The following ARSG variants were observed in gnomAD, a reference collection of about 807,000 sequenced individuals.
ARSG encodes the protein arylsulfatase G.
A neutral mutation model predicts 50.5 loss-of-function variants in ARSG; 37 were observed. The ratio of observed to expected loss-of-function variants is 0.73; its 90% CI spans 0.56 to 0.96. The LOEUF (loss-of-function observed/expected upper bound fraction) is 0.96, where lower values mean the gene tolerates loss of function less well. Among genes scored for constraint, ARSG ranks in the 50% least tolerant of loss-of-function variants. The pLI is 0.00. For missense variants in ARSG, 629 were observed against 675.3 expected (o/e 0.93, Z 0.76); for synonymous variants, 225 against 254.6 (o/e 0.88, Z 1.11).
chr17:68,446,900 G>A, the ARSG span, among the ~76,000 whole-genome samples: 1 of 152,186 alleles, frequency 6.6e-6, no homozygotes, highest in African/African-American at 2.4e-5. Flanking sequence ...AAGACTAAAC[G>A]CAGAGGGAAA....
chr17:68,416,075 C>T (rs2082349028), intron 11 of ARSG, among the ~76,000 whole-genome samples: 2 of 151,904 alleles, frequency 1.3e-5, no homozygotes, highest in South Asian at 4.2e-4. Context: ...TGCCCATGTG[C>T]CTTGGTTTTT....
chr17:68,349,887 G>T (rs959422238), intron 4 of ARSG, among the ~76,000 whole-genome samples: 3 of 150,560 alleles, frequency 2.0e-5, no homozygotes, highest in Middle Eastern at 6.8e-3. Context: ...GTCTCAAAAA[G>T]AAAAAAAAAT....
chr17:68,356,097 G>T (rs2079020958), intron 5 of ARSG, among the ~76,000 whole-genome samples: 1 of 152,152 alleles, frequency 6.6e-6, no homozygotes, highest in Non-Finnish European at 1.5e-5. Flanking sequence ...GGCCAGGCTG[G>T]TCTCGAACTC....
At chr17:68,437,948 TAAAAAAAAA>T in the ARSG span, among the ~76,000 whole-genome samples, 8 of 78,804 alleles carry the variant, frequency 1.0e-4, no homozygotes, top group Admixed American at 2.5e-4. Context: ...ACATCTCTCT[TAAAAAAAAA>T]AAAAAAAAAA....
intron 5 of ARSG, among the ~76,000 whole-genome samples, chr17:68,355,193 C>A (rs1406723653): frequency 6.6e-6 from 1 of 152,178 alleles, no homozygotes; most frequent in African/African-American, 2.4e-5. Flanking sequence ...ACCACCAGCA[C>A]CCCTGTAAGG....
chr17:68,365,827 A>G (rs1034279869), intron 6 of ARSG, among the ~76,000 whole-genome samples: 1 of 152,252 alleles, frequency 6.6e-6, no homozygotes, highest in African/African-American at 2.4e-5. Flanking sequence ...TCCACCACAC[A>G]GATACAATAG....
chr17:68,373,032 C>T (rs529538987), intron 8 of ARSG, among the ~76,000 whole-genome samples: 2 of 151,512 alleles, frequency 1.3e-5, no homozygotes, highest in South Asian at 4.2e-4. Context: ...GCTGGGATTA[C>T]AGGTGTGTGC....
At chr17:68,288,762 C>G (rs1318632528), upstream of ARSG, among the ~76,000 whole-genome samples, 1 of 152,204 alleles carries the variant, frequency 6.6e-6, no homozygotes, top group Non-Finnish European at 1.5e-5. Context: ...AGTTGGTCTT[C>G]TTAAAGCTCT....
intron 2 of ARSG, among the ~76,000 whole-genome samples, chr17:68,308,874 G>T (rs1194795377): frequency 1.3e-5 from 2 of 152,270 alleles, no homozygotes; most frequent in African/African-American, 4.8e-5. Flanking sequence ...CACCGGCGCT[G>T]CAGGTGGAGC....
chr17:68,283,302 C>T (rs1403568865), intron 1 of ARSG, among the ~76,000 whole-genome samples: 14 of 151,740 alleles, frequency 9.2e-5, no homozygotes, highest in African/African-American at 2.7e-4. Context: ...AGGCGAATCA[C>T]GAGGTCAGGA....
At position 68,368,536 on chromosome 17, in the gene ARSG, C is replaced by G. The variant is rs1227722271; in HGVS notation, c.705-12C>G. ...CCTTCTGCAGAGTCACCTCTTGGTT[C>G]TCCTGTTTCAGCACCAGCGGGAGGC... On this transcript the variant is annotated splice_polypyrimidine_tract_variant and intron_variant, in intron 6 of 11. Transcript: ENST00000621439. 11 of 1,612,338 alleles carry G rather than the reference C, an allele frequency of 6.8e-6. No homozygotes were observed. Among genetic ancestry groups the G allele is most frequent in the Non-Finnish European group, 9.3e-6 (11 of 1,179,598 alleles).
chr17:68,375,936 G>C (rs1322898364), intron 8 of ARSG, among the ~76,000 whole-genome samples: 1 of 152,074 alleles, frequency 6.6e-6, no homozygotes, highest in Admixed American at 6.6e-5. Context: ...GAGTGGGAGG[G>C]ACATTATTTA....
intron 9 of ARSG, 51 bp downstream of exon 9, chr17:68,385,223 C>CATGGAGGCATGGGTGGCTAG (rs530735736): frequency 1.1e-4 from 162 of 1,529,744 alleles, no homozygotes; most frequent in South Asian, 5.6e-4. Context: ...CAAGAAAAGT[C>CATGGAGGCATGGGTGGCTAG]ATGGAGGCAT....
intron 8 of ARSG, among the ~76,000 whole-genome samples, chr17:68,382,199 C>G (rs913570983): frequency 6.6e-6 from 1 of 152,172 alleles, no homozygotes; most frequent in Non-Finnish European, 1.5e-5. Context: ...CCCACCTCAG[C>G]CTCCCAAAGT....
the ARSG span, chr17:68,433,328 A>T: frequency 1.3e-6 from 1 of 798,128 alleles, no homozygotes; most frequent in Non-Finnish European, 2.0e-6. Flanking sequence ...TTGCTAACAC[A>T]CACTCCATCA....
intron 1 of ARSG, among the ~76,000 whole-genome samples, chr17:68,262,988 T>C (rs1555745552): frequency 6.6e-6 from 1 of 152,126 alleles, no homozygotes; most frequent in Non-Finnish European, 1.5e-5. Context: ...GGTGTATAAG[T>C]TGTTAGGGAA....
intron 9 of ARSG, among the ~76,000 whole-genome samples, chr17:68,388,874 G>A (rs138034655): frequency 0.064 from 9,380 of 147,386 alleles, 635 homozygotes; most frequent in African/African-American, 0.17. Flanking sequence ...GCTGTGAGCC[G>A]AGATCGCACC....
intron 9 of ARSG, among the ~76,000 whole-genome samples, chr17:68,386,220 T>C (rs1177717410): frequency 6.6e-6 from 1 of 152,220 alleles, no homozygotes; most frequent in African/African-American, 2.4e-5. Context: ...CCTTCCTCTC[T>C]GTGTTCTGCC....
chr17:68,301,050 G>A (rs1287503841), intron 1 of ARSG, among the ~76,000 whole-genome samples: 7 of 151,762 alleles, frequency 4.6e-5, no homozygotes, highest in East Asian at 1.9e-4. Flanking sequence ...CCTGGAAGGC[G>A]GAGCTTGCAG....
Sources: gnomAD v4.1 joint callset for allele counts (sites outside exome capture counted in the v4.1 genomes callset) on GRCh38, gnomAD v4.1.1 for gene constraint, MANE v1.5 for transcripts, NCBI Gene and HGNC (gene_info 2026-07-23, HGNC 2026-07-21) for gene names.